Variants in KLF12 observed in about 807,000 individuals in gnomAD.
KLF12 encodes KLF transcription factor 12, also known as Krueppel-like factor 12.
KLF12 carries 9 observed loss-of-function variants against 37.8 expected under a neutral mutation model. That is an observed-to-expected ratio of 0.24 (90% confidence interval 0.14 to 0.42). KLF12 has a LOEUF of 0.42. Ranked by LOEUF, KLF12 falls within the 10% of genes least tolerant of loss-of-function variation. The probability of loss-of-function intolerance (pLI) is 1.00; values close to 1 mark genes in which losing one functional copy is unlikely to be tolerated. For missense variants in KLF12, 411 were observed against 516.0 expected (o/e 0.80, Z 1.97); for synonymous variants, 208 against 202.1 (o/e 1.03, Z -0.25).
chr13:73,963,351 T>TACAC (rs57682253), intron 2 of KLF12, among the ~76,000 whole-genome samples: 60,867 of 149,112 alleles, frequency 0.41, 13,207 homozygotes, highest in East Asian at 0.65. Flanking sequence ...TACTTCAGTA[T>TACAC]ACACACACAC....
chr13:73,826,898 C>A (rs1301549860), intron 4 of KLF12, among the ~76,000 whole-genome samples: 1 of 152,184 alleles, frequency 6.6e-6, no homozygotes, highest in African/African-American at 2.4e-5. Context: ...CCTCCCATCT[C>A]AGCCTCCAGA....
the KLF12 span, among the ~76,000 whole-genome samples, chr13:74,173,627 A>G: frequency 6.6e-6 from 1 of 152,226 alleles, no homozygotes; most frequent in African/African-American, 2.4e-5. Context: ...CTGCATTACC[A>G]GATGGATGAA....
chr13:73,963,613 G>A (rs754478286), intron 2 of KLF12, among the ~76,000 whole-genome samples: 12 of 151,964 alleles, frequency 7.9e-5, no homozygotes, highest in Admixed American at 2.6e-4. Flanking sequence ...AAAAGTTTTC[G>A]GAAAAATAAC....
Position 73,715,362 on chromosome 13 carries a change from CG to C in KLF12, c.1027+5del. Reference sequence around the variant, plus strand: ...CTCACAGGTGAGAAGCCCTGCAGAGCGGTACCTGTATGTGTCCTCCGGTGAG... The same window carrying C: ...CTCACAGGTGAGAAGCCCTGCAGAGCGTACCTGTATGTGTCCTCCGGTGAG... On this transcript the variant is annotated splice_donor_5th_base_variant and intron_variant, in intron 7 of 7. Transcript: ENST00000377669. 6.2e-7 allele frequency: 1 copy of C among 1,611,312 alleles called. No homozygotes were observed. The highest frequency in any genetic ancestry group is 8.5e-7 in the Non-Finnish European group (1 of 1,178,940).
At chr13:73,771,757 T>C (rs1370922773) in intron 5 of KLF12, among the ~76,000 whole-genome samples, 1 of 152,164 alleles carries the variant, frequency 6.6e-6, no homozygotes, top group Middle Eastern at 3.2e-3. Context: ...TTATAAGAGA[T>C]TTCAAATTTC....
At chr13:74,179,531 T>G in the KLF12 span, among the ~76,000 whole-genome samples, 1 of 152,190 alleles carries the variant, frequency 6.6e-6, no homozygotes, top group African/African-American at 2.4e-5. Context: ...TGCCTGGAGA[T>G]GTACTGAAAA....
the KLF12 span, among the ~76,000 whole-genome samples, chr13:74,188,352 A>C: frequency 3.3e-5 from 5 of 152,148 alleles, no homozygotes; most frequent in Non-Finnish European, 7.3e-5. Context: ...TACAATAGAA[A>C]ATTTAAATTA....
intron 3 of KLF12, among the ~76,000 whole-genome samples, chr13:73,867,293 T>C (rs1886223023): frequency 1.3e-5 from 2 of 151,792 alleles, no homozygotes. Context: ...GTTATAGTCA[T>C]ACTAGGGAAA....
the KLF12 span, among the ~76,000 whole-genome samples, chr13:74,300,909 G>C: frequency 2.8e-4 from 43 of 152,236 alleles, no homozygotes; most frequent in African/African-American, 9.9e-4. Flanking sequence ...ACTTATTCAA[G>C]CAGTTGCTCT....
At chr13:73,765,362 C>G (rs1289394224) in intron 5 of KLF12, among the ~76,000 whole-genome samples, 1 of 152,128 alleles carries the variant, frequency 6.6e-6, no homozygotes, top group East Asian at 1.9e-4. Context: ...AGTGAGCCCT[C>G]TTTGTACCTG....
chr13:73,908,868 A>T (rs555828254), intron 3 of KLF12, among the ~76,000 whole-genome samples: 1 of 152,312 alleles, frequency 6.6e-6, no homozygotes, highest in South Asian at 2.1e-4. Flanking sequence ...AAATAAGTTC[A>T]TGATTGTCTA....
At chr13:74,059,729 G>C (rs7318475) in intron 1 of KLF12, among the ~76,000 whole-genome samples, 2 of 152,052 alleles carry the variant, frequency 1.3e-5, no homozygotes, top group Non-Finnish European at 2.9e-5. Context: ...TCTGTAGATT[G>C]CCTGTTTATT....
At chr13:73,805,662 AAGGAAGGAAG>A (rs1566380434) in intron 5 of KLF12, among the ~76,000 whole-genome samples, 46 of 37,234 alleles carry the variant, frequency 1.2e-3, no homozygotes, top group Middle Eastern at 0.012. Flanking sequence ...GGAAGGAAGG[AAGGAAGGAAG>A]GAAGGAAGGA....
At chr13:74,179,775 G>A in the KLF12 span, among the ~76,000 whole-genome samples, 1 of 152,188 alleles carries the variant, frequency 6.6e-6, no homozygotes, top group African/African-American at 2.4e-5. Context: ...TGAATGGATG[G>A]AGATTTTAAC....
the KLF12 span, among the ~76,000 whole-genome samples, chr13:74,177,401 G>T: frequency 6.6e-6 from 1 of 152,162 alleles, no homozygotes; most frequent in African/African-American, 2.4e-5. Context: ...CCAGCCCTGC[G>T]TAAAGCACTT....
At chr13:73,841,674 C>A (rs930591820) in intron 4 of KLF12, among the ~76,000 whole-genome samples, 12 of 152,140 alleles carry the variant, frequency 7.9e-5, no homozygotes, top group African/African-American at 2.9e-4. Flanking sequence ...TTAGATTGCA[C>A]AGTATAGGCT....
chr13:74,143,305 A>T, the KLF12 span, among the ~76,000 whole-genome samples: 1 of 152,256 alleles, frequency 6.6e-6, no homozygotes, highest in Non-Finnish European at 1.5e-5. Flanking sequence ...TCCAGTTCAC[A>T]AATTAGTTTT....
chr13:74,072,928 T>G (rs1874358669), intron 1 of KLF12, among the ~76,000 whole-genome samples: 1 of 152,186 alleles, frequency 6.6e-6, no homozygotes. Context: ...ATAGTTCCCA[T>G]GATCCCCACA....
intron 3 of KLF12, among the ~76,000 whole-genome samples, chr13:73,872,863 G>T (rs1162446425): frequency 6.6e-6 from 1 of 152,168 alleles, no homozygotes; most frequent in Non-Finnish European, 1.5e-5. Context: ...AGGAGTGGAA[G>T]TCTTTAGGCT....
Sources: allele counts gnomAD v4.1 joint callset (sites outside exome capture counted in the v4.1 genomes callset), GRCh38; gene constraint gnomAD v4.1.1; transcripts MANE v1.5; gene names NCBI Gene and HGNC (gene_info 2026-07-23, HGNC 2026-07-21).